Variants in TAF1B observed in about 807,000 individuals in gnomAD.
TAF1B encodes TATA-box binding protein associated factor, RNA polymerase I subunit B.
TAF1B carries 61 observed loss-of-function variants against 83.9 expected under a neutral mutation model. The ratio of observed to expected loss-of-function variants is 0.73; its 90% CI spans 0.59 to 0.90. TAF1B has a LOEUF of 0.90. Ranked by LOEUF, TAF1B falls within the 40% of genes least tolerant of loss-of-function variation. The pLI is 0.00. For synonymous variants in TAF1B, 221 were observed against 224.6 expected (o/e 0.98, Z 0.14); for missense variants, 625 against 677.0 (o/e 0.92, Z 0.85).
intron 6 of TAF1B, among the ~76,000 whole-genome samples, chr2:9,874,552 G>A (rs1355491637): frequency 2.0e-5 from 3 of 152,002 alleles, no homozygotes; most frequent in African/African-American, 7.2e-5. Context: ...GATTACAGGT[G>A]CACACCATGG....
intron 6 of TAF1B, among the ~76,000 whole-genome samples, chr2:9,871,647 T>C (rs1034270639): frequency 6.6e-6 from 1 of 152,214 alleles, no homozygotes; most frequent in African/African-American, 2.4e-5. Context: ...ATAAAAGGCT[T>C]TGTTTCCGTG....
chr2:9,847,093 T>A lies in TAF1B; in HGVS notation c.117+1775T>A, dbSNP rs186531665. 2.0e-5 allele frequency among the ~76,000 whole-genome samples: 3 copies of A among 152,358 alleles called. No individual in the cohort carries two copies. In the East Asian group the frequency reaches 5.8e-4, roughly 29 times the overall value. ...TTCTATTTTTGATTTTGATACTGTT[T>A]CCGTTTGATTCTGTTTGATCAAATC... On this transcript the variant is annotated intron_variant, in intron 2 of 14. Transcript: ENST00000263663.
rs757942753 is a variant in TAF1B, at chr2:9,843,515, G to C, written c.-27G>C. ...GCTCGCTACCCGGGTAACGGGTCCCGGCTGTGGAAGCTCCCGCGGCGCCGC... is the reference window on the plus strand; with the variant it reads ...GCTCGCTACCCGGGTAACGGGTCCCCGCTGTGGAAGCTCCCGCGGCGCCGC... On this transcript the variant is annotated 5_prime_UTR_variant, in exon 1 of 15. Transcript: ENST00000263663. 4 of 1,523,848 alleles carry C rather than the reference G, an allele frequency of 2.6e-6. No homozygotes were observed. Among genetic ancestry groups the C allele is most frequent in the South Asian group, 2.4e-5 (2 of 82,178 alleles). The allele number at this position is 1,523,848 out of a possible 1,614,324, so 94.4% of individuals were successfully genotyped here. A position where few individuals can be genotyped will look rare whatever the true frequency, so the allele number is the denominator to read the frequency against.
In TAF1B at chr2:9,873,733, G is replaced by A. The variant is rs569884677; in HGVS notation, c.554-2132G>A. Among the ~76,000 whole-genome samples, 11 of 143,516 alleles carry A rather than the reference G, an allele frequency of 7.7e-5. No homozygotes were observed. The South Asian group carries it at 2.2e-3, about 28-fold the overall frequency. 94.2% of individuals were successfully genotyped at this position (143,516 alleles called of 152,430 possible). The stretch of plus-strand genomic sequence containing the variant: ...TCATACTTGTTTTCTTTTCTCTCAT[G>A]CTTTACATCCAATCTATCAGCAAAT... On this transcript the variant is annotated intron_variant, in intron 6 of 14. Transcript: ENST00000263663.
At chr2:9,856,739 C>T (rs149914455) in intron 5 of TAF1B, among the ~76,000 whole-genome samples, 2,179 of 151,922 alleles carry the variant, frequency 0.014, 54 homozygotes, top group African/African-American at 0.049. Flanking sequence ...AGTAAATTCT[C>T]GTGTAAAGCA....
intron 8 of TAF1B, among the ~76,000 whole-genome samples, chr2:9,895,052 T>C (rs1011327531): frequency 1.1e-4 from 16 of 152,200 alleles, no homozygotes; most frequent in Admixed American, 9.8e-4. Flanking sequence ...GGTCAGCAGT[T>C]CATAATTTTG....
chr2:9,868,454 C>G (rs369723743), intron 6 of TAF1B, 25 bp downstream of exon 6: 1 of 1,593,110 alleles, frequency 6.3e-7, no homozygotes, highest in African/African-American at 1.4e-5. Context: ...CAAACCATTT[C>G]GAATTTTAAA....
intron 8 of TAF1B, among the ~76,000 whole-genome samples, chr2:9,891,584 A>G (rs536184288): frequency 1.2e-4 from 19 of 152,230 alleles, no homozygotes; most frequent in African/African-American, 4.6e-4. Context: ...CTACTTATTA[A>G]AAAAAAGTTA....
At chr2:9,894,952 T>TA (rs1393014057) in intron 8 of TAF1B, among the ~76,000 whole-genome samples, 1 of 152,238 alleles carries the variant, frequency 6.6e-6, no homozygotes, top group Non-Finnish European at 1.5e-5. Context: ...AACAGGCACA[T>TA]ATTAAGGAGG....
At chr2:9,898,499 G>C (rs184549183) in intron 8 of TAF1B, among the ~76,000 whole-genome samples, 8 of 152,212 alleles carry the variant, frequency 5.3e-5, no homozygotes, top group African/African-American at 1.9e-4. Context: ...TTTTAAACAG[G>C]ATTCTGTTTA....
intron 5 of TAF1B, among the ~76,000 whole-genome samples, chr2:9,860,837 G>A (rs1663728856): frequency 1.3e-5 from 2 of 152,194 alleles, no homozygotes; most frequent in South Asian, 4.1e-4. Flanking sequence ...GGAATATAAG[G>A]TAGACTGAGA....
At chr2:9,884,856 C>A (rs1243451405) in intron 8 of TAF1B, among the ~76,000 whole-genome samples, 1 of 152,104 alleles carries the variant, frequency 6.6e-6, no homozygotes, top group African/African-American at 2.4e-5. Context: ...GCTCTCAGGA[C>A]AACCTGCCCT....
rs542526566 is a variant in TAF1B, at chr2:9,891,712, A to G, written c.807+8907A>G. Among the ~76,000 whole-genome samples, 56 of 152,304 alleles carry G rather than the reference A, an allele frequency of 3.7e-4. 1 individual carries two copies. Among genetic ancestry groups the G allele is most frequent in the Admixed American group, 3.1e-3 (48 of 15,304 alleles). ...CCATATAGGCCTGGGCTAAATGTGTATGTTTGTGTTTTAGTTTTTAACAAA... is the reference window on the plus strand; with the variant it reads ...CCATATAGGCCTGGGCTAAATGTGTGTGTTTGTGTTTTAGTTTTTAACAAA... On this transcript the variant is annotated intron_variant, in intron 8 of 14. Transcript: ENST00000263663.
chr2:9,924,591 C>T (rs545969026), intron 14 of TAF1B, among the ~76,000 whole-genome samples: 1 of 152,194 alleles, frequency 6.6e-6, no homozygotes, highest in Non-Finnish European at 1.5e-5. Context: ...GTTTTATTAG[C>T]ATGTTTTCTA....
intron 13 of TAF1B, among the ~76,000 whole-genome samples, 165 bp downstream of exon 13, chr2:9,919,276 G>T (rs1206335924): frequency 6.6e-6 from 1 of 152,192 alleles, no homozygotes; most frequent in Non-Finnish European, 1.5e-5. Flanking sequence ...AGAAATCTCT[G>T]CAGGAATCTA....
intron 5 of TAF1B, among the ~76,000 whole-genome samples, chr2:9,864,861 C>T (rs1352844215): frequency 6.6e-6 from 1 of 152,120 alleles, no homozygotes; most frequent in African/African-American, 2.4e-5. Flanking sequence ...TCAATAGATG[C>T]AGAAAAGGCC....
In TAF1B at chr2:9,851,702, T is replaced by C. The variant is rs184013110; in HGVS notation, c.303+64T>C. 12 of 1,298,038 alleles carry C rather than the reference T, an allele frequency of 9.2e-6. No homozygotes were observed. The East Asian group carries it at 9.3e-5, about 10-fold the overall frequency. 80.4% of individuals were successfully genotyped at this position (1,298,038 alleles called of 1,614,324 possible). On this transcript the variant is annotated intron_variant, in intron 4 of 14. Transcript: ENST00000263663. ...TTTGTTTAAAGAACAGTAAGACTTA[T>C]AGTGGAACTAAGGAGAAATCAGTAG...
At chr2:9,918,515 G>C (rs1234035939) in intron 12 of TAF1B, among the ~76,000 whole-genome samples, 1 of 152,176 alleles carries the variant, frequency 6.6e-6, no homozygotes, top group African/African-American at 2.4e-5. Context: ...TCAGAACAGG[G>C]ACTACTGGGA....
intron 8 of TAF1B, among the ~76,000 whole-genome samples, chr2:9,895,813 C>CTTTTTTTTTT: frequency 8.9e-6 from 1 of 112,478 alleles, no homozygotes; most frequent in Non-Finnish European, 1.8e-5. Context: ...GCACTGCACT[C>CTTTTTTTTTT]TTTTTTTTTT....
Sources: allele counts gnomAD v4.1 joint callset (sites outside exome capture counted in the v4.1 genomes callset), GRCh38; gene constraint gnomAD v4.1.1; transcripts MANE v1.5; gene names NCBI Gene and HGNC (gene_info 2026-07-23, HGNC 2026-07-21).